Variants in GRM8 observed in about 807,000 individuals in gnomAD.
The protein encoded by GRM8 is glutamate metabotropic receptor 8.
A neutral mutation model predicts 87.2 loss-of-function variants in GRM8; 47 were observed. That is an observed-to-expected ratio of 0.54 (90% CI 0.43 to 0.69). The LOEUF (loss-of-function observed/expected upper bound fraction) is 0.69, where lower values mean the gene tolerates loss of function less well. GRM8 is among the 30% of genes least tolerant of loss of function. The pLI is 0.00. For synonymous variants in GRM8, 396 were observed against 404.5 expected (o/e 0.98, Z 0.25); for missense variants, 1,019 against 1,139.2 (o/e 0.89, Z 1.52).
intron 9 of GRM8, among the ~76,000 whole-genome samples, chr7:126,477,031 C>A (rs1805992313): frequency 6.6e-6 from 1 of 152,008 alleles, no homozygotes; most frequent in South Asian, 2.1e-4. Context: ...GAGATATATT[C>A]AATTCTTTAA....
chr7:127,056,525 C>A, intron 3 of GRM8, among the ~76,000 whole-genome samples: 1 of 152,118 alleles, frequency 6.6e-6, no homozygotes, highest in Non-Finnish European at 1.5e-5. Flanking sequence ...GAACACTGGG[C>A]CCCACAGATT....
At chr7:126,578,162 C>T (rs1227497339) in intron 8 of GRM8, among the ~76,000 whole-genome samples, 2 of 152,106 alleles carry the variant, frequency 1.3e-5, no homozygotes, top group Non-Finnish European at 2.9e-5. Flanking sequence ...CAATACCCAT[C>T]ATAATGGGTT....
chr7:127,062,566 T>C (rs373265670), intron 3 of GRM8, among the ~76,000 whole-genome samples: 3 of 152,320 alleles, frequency 2.0e-5, no homozygotes, highest in East Asian at 3.9e-4. Flanking sequence ...ACACATTGTA[T>C]ATAAGAAATA....
At chr7:127,161,851 A>T (rs550359508) in intron 2 of GRM8, among the ~76,000 whole-genome samples, 5 of 152,272 alleles carry the variant, frequency 3.3e-5, no homozygotes, top group Admixed American at 2.6e-4. Flanking sequence ...GTCACTGTTT[A>T]CCCTATTTCA....
At chr7:127,092,371 GC>G (rs1824219317) in intron 3 of GRM8, among the ~76,000 whole-genome samples, 1 of 152,122 alleles carries the variant, frequency 6.6e-6, no homozygotes, top group East Asian at 1.9e-4. Flanking sequence ...ATTAGAGAAG[GC>G]TTCCTGGAAA....
intron 3 of GRM8, among the ~76,000 whole-genome samples, chr7:126,983,431 G>T (rs1811736789): frequency 6.6e-6 from 1 of 152,094 alleles, no homozygotes; most frequent in Non-Finnish European, 1.5e-5. Flanking sequence ...ATACGGTACT[G>T]CTTTTCCCAT....
rs75818284 is a variant in GRM8, at chr7:127,232,535, C to T, written c.510+10160G>A. ...ACAGTGCTGAGATTACAAGTGTGTG[C>T]AACCACACCTGGCCCATCAGTTCTG... On this transcript the variant is annotated intron_variant, in intron 2 of 10. Coordinates refer to ENST00000339582, the MANE Select transcript of GRM8 (RefSeq NM_000845.3). Among the ~76,000 whole-genome samples the T allele has an allele frequency of 8.5e-5, 13 of 152,238 alleles. No individual in the cohort carries two copies. The East Asian group carries it at 1.5e-3, about 18-fold the overall frequency.
rs190925768 is a variant in GRM8 at position 127,122,283 on chromosome 7, G to A, written c.511-15571C>T. ...CTTCTCAAAAGCTTCCCACATTTTC[G>A]GTGCTTAAATGAAAATATACTTTTC... is the stretch of plus-strand genomic sequence containing the variant. On this transcript the variant is annotated intron_variant, in intron 2 of 10. Coordinates refer to ENST00000339582, the MANE Select transcript of GRM8 (RefSeq NM_000845.3). Among the ~76,000 whole-genome samples the A allele has an allele frequency of 2.2e-3, 339 of 152,064 alleles. 4 individuals are homozygous for A. Among genetic ancestry groups the A allele is most frequent in the African/African-American group, 7.4e-3 (309 of 41,490 alleles).
intron 7 of GRM8, among the ~76,000 whole-genome samples, chr7:126,748,522 G>T (rs1054606441): frequency 1.3e-5 from 2 of 151,148 alleles, no homozygotes; most frequent in African/African-American, 4.9e-5. Flanking sequence ...TTCATAGATG[G>T]GAAGACTGAA....
intron 6 of GRM8, among the ~76,000 whole-genome samples, chr7:126,852,402 G>T (rs887900507): frequency 1.3e-5 from 2 of 152,104 alleles, no homozygotes; most frequent in South Asian, 2.1e-4. Flanking sequence ...CACAAAAATC[G>T]AAGACAGTAG....
chr7:127,201,679 A>G (rs748380651), intron 2 of GRM8, among the ~76,000 whole-genome samples: 1 of 152,216 alleles, frequency 6.6e-6, no homozygotes, highest in Non-Finnish European at 1.5e-5. Flanking sequence ...GGTGGTAAGA[A>G]TCGTCAAAAA....
At chr7:126,465,582 T>G (rs1027612824) in intron 9 of GRM8, among the ~76,000 whole-genome samples, 1 of 151,860 alleles carries the variant, frequency 6.6e-6, no homozygotes, top group Admixed American at 6.6e-5. Flanking sequence ...TTGATATTTA[T>G]GCTGTTGTAA....
Position 127,214,836 on chromosome 7 carries a change from G to C in GRM8, c.510+27859C>G, listed in dbSNP as rs77076466. On this transcript the variant is annotated intron_variant, in intron 2 of 10. Transcript: ENST00000339582. ...CTTTTTTTTCCTTTTTGAGTTGTCA[G>C]TTTTGAATATAATTATTTCAAAAAT... 2.4e-3 allele frequency among the ~76,000 whole-genome samples: 363 copies of C among 152,224 alleles called. 1 individual carries two copies. Among genetic ancestry groups the C allele is most frequent in the African/African-American group, 8.5e-3 (353 of 41,530 alleles).
At chr7:126,677,865 C>T (rs2151323942) in intron 7 of GRM8, among the ~76,000 whole-genome samples, 1 of 152,264 alleles carries the variant, frequency 6.6e-6, no homozygotes, top group African/African-American at 2.4e-5. Context: ...TTAAAACAAA[C>T]TAACTGTTCA....
intron 8 of GRM8, among the ~76,000 whole-genome samples, chr7:126,544,712 A>T (rs1816943865): frequency 6.6e-6 from 1 of 151,784 alleles, no homozygotes; most frequent in African/African-American, 2.4e-5. Context: ...GTTTCACCAT[A>T]TTGGTCAGGC....
At chr7:126,881,226 G>T (rs1336475013) in intron 6 of GRM8, among the ~76,000 whole-genome samples, 1 of 152,114 alleles carries the variant, frequency 6.6e-6, no homozygotes, top group Non-Finnish European at 1.5e-5. Flanking sequence ...AAACAAGATG[G>T]CAGGGCACCC....
chr7:126,737,006 T>C (rs774191310), intron 7 of GRM8, among the ~76,000 whole-genome samples: 2 of 152,054 alleles, frequency 1.3e-5, no homozygotes, highest in Non-Finnish European at 2.9e-5. Flanking sequence ...TGTTTATAGT[T>C]TAAATCAAAG....
At chr7:126,981,260 A>C (rs1811497381) in intron 3 of GRM8, 1 of 152,250 alleles carries the variant, frequency 6.6e-6, no homozygotes, top group Admixed American at 6.6e-5. Flanking sequence ...TGGGAGCCTC[A>C]CCATTGATTA....
chr7:126,882,308 G>T (rs1486853692), intron 6 of GRM8, among the ~76,000 whole-genome samples: 3 of 151,312 alleles, frequency 2.0e-5, no homozygotes, highest in East Asian at 3.9e-4. Context: ...TCAGGTTTTT[G>T]CTTATTTTGC....
Sources: allele counts gnomAD v4.1 joint callset (sites outside exome capture counted in the v4.1 genomes callset), GRCh38; gene constraint gnomAD v4.1.1; transcripts MANE v1.5; gene names NCBI Gene and HGNC (gene_info 2026-07-23, HGNC 2026-07-21).